The following RBFOX1 variants were observed in gnomAD, a reference collection of about 807,000 sequenced individuals.
RBFOX1 encodes RNA binding protein fox-1 homolog 1.
RBFOX1 carries 8 observed loss-of-function variants against 57.7 expected under a neutral mutation model. That is an observed-to-expected ratio of 0.14 (90% confidence interval 0.08 to 0.25). The LOEUF is 0.25. Ranked by LOEUF, RBFOX1 falls within the 10% of genes least tolerant of loss-of-function variation. RBFOX1 has a pLI of 1.00. For synonymous variants in RBFOX1, 326 were observed against 222.4 expected, an observed-to-expected ratio of 1.47 and a Z score of -4.15; for missense variants, 611 against 548.5, an observed-to-expected ratio of 1.11 and a Z score of -1.14.
chr16:5,708,684 C>T (rs572109972), intron 3 of RBFOX1, among the ~76,000 whole-genome samples: 56 of 152,282 alleles, frequency 3.7e-4, no homozygotes, highest in African/African-American at 1.3e-3. Flanking sequence ...CACATGCCAC[C>T]TACCATTGGT....
chr16:7,181,298 A>G (rs756399470), intron 4 of RBFOX1, among the ~76,000 whole-genome samples: 18 of 152,148 alleles, frequency 1.2e-4, no homozygotes, highest in Non-Finnish European at 2.5e-4. Context: ...GAAGTACTGG[A>G]TTCAGTAAAA....
intron 3 of RBFOX1, among the ~76,000 whole-genome samples, chr16:6,872,351 C>T (rs1194488931): frequency 6.6e-6 from 1 of 152,114 alleles, no homozygotes; most frequent in Non-Finnish European, 1.5e-5. Context: ...CTGTTTCTCT[C>T]TTTTTCTCTT....
chr16:5,910,568 G>A (rs1426470510), intron 4 of RBFOX1, among the ~76,000 whole-genome samples: 2 of 152,180 alleles, frequency 1.3e-5, no homozygotes, highest in Admixed American at 1.3e-4. Flanking sequence ...AGTGGAGGAA[G>A]GTGTGAGGGT....
chr16:5,744,896 C>G (rs1452754470), intron 3 of RBFOX1, among the ~76,000 whole-genome samples: 2 of 152,146 alleles, frequency 1.3e-5, no homozygotes, highest in East Asian at 1.9e-4. Flanking sequence ...TCCGACCGCC[C>G]AAAGTAGCGG....
chr16:6,442,100 C>G (rs2191429), intron 2 of RBFOX1, among the ~76,000 whole-genome samples: 1 of 152,082 alleles, frequency 6.6e-6, no homozygotes, highest in Non-Finnish European at 1.5e-5. Context: ...TCACAGGCTG[C>G]CGGGTGATAG....
intron 2 of RBFOX1, among the ~76,000 whole-genome samples, chr16:5,539,158 G>A (rs1276239669): frequency 6.6e-6 from 1 of 152,138 alleles, no homozygotes; most frequent in East Asian, 1.9e-4. Flanking sequence ...CATGGTTCAG[G>A]GAAAGTGCAG....
intron 3 of RBFOX1, among the ~76,000 whole-genome samples, chr16:6,796,638 T>C (rs2084123066): frequency 1.3e-5 from 2 of 152,210 alleles, no homozygotes; most frequent in African/African-American, 4.8e-5. Flanking sequence ...CTGTCTCTTG[T>C]TAAAAATTTT....
At chr16:5,490,705 G>C (rs1325877609) in intron 2 of RBFOX1, among the ~76,000 whole-genome samples, 1 of 152,192 alleles carries the variant, frequency 6.6e-6, no homozygotes, top group South Asian at 2.1e-4. Context: ...TGGCCAGGCG[G>C]ATTCCCGTGG....
chr16:6,256,013 C>T (rs1567786922), intron 1 of RBFOX1, among the ~76,000 whole-genome samples: 1 of 150,546 alleles, frequency 6.6e-6, no homozygotes, highest in African/African-American at 2.4e-5. Context: ...TCTATGTAAC[C>T]TGCACATTCT....
chr16:6,176,313 ATTTTTT>A (rs34667158), intron 1 of RBFOX1, among the ~76,000 whole-genome samples: 2 of 95,256 alleles, frequency 2.1e-5, no homozygotes, highest in African/African-American at 4.6e-5. Context: ...GCCTGACCAA[ATTTTTT>A]TTTTTTTTTT....
intron 1 of RBFOX1, among the ~76,000 whole-genome samples, chr16:5,425,420 A>G (rs1052039712): frequency 6.6e-6 from 1 of 151,946 alleles, no homozygotes. Context: ...TGTGTTTTCT[A>G]TGCTAAGTCC....
intron 2 of RBFOX1, among the ~76,000 whole-genome samples, chr16:6,394,997 A>G (rs2092763682): frequency 6.6e-6 from 1 of 152,240 alleles, no homozygotes; most frequent in Non-Finnish European, 1.5e-5. Flanking sequence ...CAGATAGGAA[A>G]ATGATAATCA....
At chr16:5,599,062 T>C (rs2047279894) in exon 3 of RBFOX1, 2 of 1,053,488 alleles carry the variant, frequency 1.9e-6, no homozygotes, top group South Asian at 1.3e-5. Context: ...GAATGGTTTT[T>C]ACCTGAAACT....
At chr16:5,462,939 A>T (rs1428933379) in intron 1 of RBFOX1, among the ~76,000 whole-genome samples, 1 of 152,234 alleles carries the variant, frequency 6.6e-6, no homozygotes, top group Non-Finnish European at 1.5e-5. Flanking sequence ...AAACCCAGTT[A>T]TCCATGATTT....
chr16:6,228,918 T>G (rs2097437237), intron 1 of RBFOX1, among the ~76,000 whole-genome samples: 2 of 152,156 alleles, frequency 1.3e-5, no homozygotes, highest in South Asian at 2.1e-4. Context: ...TATATAATTT[T>G]ATTTGTCAAT....
chr16:6,193,382 T>TAAA (rs1567650853), intron 1 of RBFOX1, among the ~76,000 whole-genome samples: 1 of 61,970 alleles, frequency 1.6e-5, no homozygotes, highest in African/African-American at 5.7e-5. Flanking sequence ...ATATACATTA[T>TAAA]ATATATATAC....
At chr16:7,488,965 A>G (rs532704136) in intron 4 of RBFOX1, among the ~76,000 whole-genome samples, 4 of 152,300 alleles carry the variant, frequency 2.6e-5, no homozygotes, top group African/African-American at 9.6e-5. Context: ...GTATACATTC[A>G]TCCATTATCT....
intron 4 of RBFOX1, among the ~76,000 whole-genome samples, chr16:7,078,705 C>T (rs1362099698): frequency 7.0e-6 from 1 of 142,758 alleles, no homozygotes; most frequent in Non-Finnish European, 1.5e-5. Flanking sequence ...TTTTTTGAGA[C>T]AGGCTCTCGC....
rs141202330 is a variant in RBFOX1 at position 5,641,872 on chromosome 16, C to T, written c.318+42911C>T. On this transcript the variant is annotated intron_variant, in intron 3 of 19. Coordinates refer to the RBFOX1 transcript ENST00000641259. ...AGCAGGGGCCATTTGAGTGGGGTTT[C>T]CTAGGATGCATAGGAGTTTGCTCAG... Among the ~76,000 whole-genome samples the T allele has an allele frequency of 8.5e-5, 13 of 152,200 alleles. No individual in the cohort carries two copies. The East Asian group carries it at 2.1e-3, about 25-fold the overall frequency.
Sources: gnomAD v4.1 joint callset for allele counts (sites outside exome capture counted in the v4.1 genomes callset) on GRCh38, gnomAD v4.1.1 for gene constraint, MANE v1.5 for transcripts, NCBI Gene and HGNC (gene_info 2026-07-23, HGNC 2026-07-21) for gene names.